The following SLC4A10 variants were observed in gnomAD, a reference collection of about 807,000 sequenced individuals.
SLC4A10 encodes sodium-driven chloride bicarbonate exchanger.
SLC4A10 carries 42 observed loss-of-function variants against 137.7 expected under a neutral mutation model. The observed-to-expected ratio is 0.30, with a 90% CI of 0.24 to 0.39. SLC4A10 has a LOEUF of 0.39. Ranked by LOEUF, SLC4A10 falls within the 10% of genes least tolerant of loss-of-function variation. The pLI, the probability that SLC4A10 is intolerant of heterozygous loss-of-function variation, is 1.00. For synonymous variants in SLC4A10, 474 were observed against 464.1 expected (o/e 1.02, Z -0.27); for missense variants, 925 against 1,355.0 (o/e 0.68, Z 4.98).
intron 6 of SLC4A10, among the ~76,000 whole-genome samples, chr2:161,871,707 G>C (rs145215280): frequency 6.6e-6 from 1 of 152,022 alleles, no homozygotes; most frequent in Non-Finnish European, 1.5e-5. Context: ...ATAGTCAGAG[G>C]CATAAAATCA....
rs143600183 is a variant in SLC4A10, at chr2:161,636,158, T to G, written c.48+11592T>G. Reference sequence around the variant, plus strand: ...ATGAGTTTATTTTGGTGCAAATTTTTTTTGAAATTCATGCAAATTTCTTTA... The same window carrying G: ...ATGAGTTTATTTTGGTGCAAATTTTGTTTGAAATTCATGCAAATTTCTTTA... On this transcript the variant is annotated intron_variant, in intron 1 of 26. Coordinates refer to ENST00000446997, the MANE Select transcript of SLC4A10 (RefSeq NM_001178015.2). Among the ~76,000 whole-genome samples the G allele has an allele frequency of 5.5e-3, 833 of 152,310 alleles. 4 individuals carry two copies. The highest frequency in any genetic ancestry group is 0.014 in the South Asian group (67 of 4,828).
chr2:161,714,921 T>C (rs890992167), intron 1 of SLC4A10, among the ~76,000 whole-genome samples: 5 of 151,926 alleles, frequency 3.3e-5, no homozygotes, highest in African/African-American at 7.2e-5. Context: ...TTATTATAAT[T>C]ATCCCCACTG....
intron 13 of SLC4A10, 99 bp from the exon 14 acceptor site, chr2:161,904,677 A>G: frequency 7.0e-7 from 1 of 1,423,112 alleles, no homozygotes; most frequent in Non-Finnish European, 9.5e-7. Flanking sequence ...TTCAGGGTGA[A>G]GCACAAAGCA....
At chr2:161,820,108 A>G (rs2057490054) in intron 3 of SLC4A10, among the ~76,000 whole-genome samples, 1 of 152,214 alleles carries the variant, frequency 6.6e-6, no homozygotes. Context: ...GTACACAAAG[A>G]TACTGAATAA....
At chr2:161,856,323 C>A (rs2060093270) in intron 5 of SLC4A10, among the ~76,000 whole-genome samples, 1 of 149,252 alleles carries the variant, frequency 6.7e-6, no homozygotes, top group African/African-American at 2.5e-5. Flanking sequence ...GATACTTTGG[C>A]TTGAAATATT....
At position 161,895,308 on chromosome 2, in the gene SLC4A10, A is replaced by G. The variant is rs375324583; in HGVS notation, c.1341+483A>G. Among the ~76,000 whole-genome samples the G allele has an allele frequency of 8.9e-4, 135 of 152,082 alleles. 3 individuals carry two copies. In the East Asian group the frequency reaches 0.025, roughly 28 times the overall value. ...GTGCCCCATTTTCTTAATCCAGTCTATCATTGTTGGACATTTGGGTTGGTT... is the reference window on the plus strand; with the variant it reads ...GTGCCCCATTTTCTTAATCCAGTCTGTCATTGTTGGACATTTGGGTTGGTT... On this transcript the variant is annotated intron_variant, in intron 11 of 26. Transcript: ENST00000446997.
intron 8 of SLC4A10, among the ~76,000 whole-genome samples, chr2:161,875,397 G>T (rs1046986739): frequency 1.4e-4 from 21 of 151,892 alleles, no homozygotes; most frequent in African/African-American, 5.1e-4. Context: ...ATTTTGAGGT[G>T]TTAAGAAAAA....
At chr2:161,652,260 C>A (rs574182738) in intron 1 of SLC4A10, among the ~76,000 whole-genome samples, 1 of 152,262 alleles carries the variant, frequency 6.6e-6, no homozygotes, top group African/African-American at 2.4e-5. Context: ...TATCTATATT[C>A]AATCATTTAT....
intron 1 of SLC4A10, among the ~76,000 whole-genome samples, chr2:161,738,363 G>C (rs2047558194): frequency 6.6e-6 from 1 of 152,214 alleles, no homozygotes; most frequent in Non-Finnish European, 1.5e-5. Context: ...CTCTGAACCA[G>C]AGTAGATTTA....
intron 1 of SLC4A10, chr2:161,709,964 T>C (rs2044104437): frequency 6.6e-6 from 1 of 151,584 alleles, no homozygotes; most frequent in Non-Finnish European, 1.5e-5. Context: ...TTTGTCTTTA[T>C]GATTCTGTAG....
intron 2 of SLC4A10, among the ~76,000 whole-genome samples, chr2:161,781,947 G>T (rs1012843435): frequency 1.3e-5 from 2 of 152,072 alleles, no homozygotes; most frequent in Non-Finnish European, 1.5e-5. Context: ...CCCAGAGGAG[G>T]TTTGTGCATC....
rs927833099 is a variant in SLC4A10, at chr2:161,832,561, T to C, written c.278-7228T>C. The stretch of plus-strand genomic sequence containing the variant: ...TAATGAGGAGGATTTGGGGAGGTAG[T>C]TGCAAGCTGAGAACCAGGCAACAGA... On this transcript the variant is annotated intron_variant, in intron 3 of 26. Coordinates refer to ENST00000446997, the MANE Select transcript of SLC4A10 (RefSeq NM_001178015.2). Among the ~76,000 whole-genome samples the C allele has an allele frequency of 9.9e-5, 15 of 152,280 alleles. No homozygotes were observed. The Middle Eastern group carries it at 0.017, about 173-fold the overall frequency.
chr2:161,819,178 G>A (rs532590868), intron 3 of SLC4A10, among the ~76,000 whole-genome samples: 2 of 151,980 alleles, frequency 1.3e-5, no homozygotes, highest in African/African-American at 2.4e-5. Flanking sequence ...AAAAGAATAG[G>A]CCTTTAATAT....
chr2:161,815,793 T>C (rs1164656722), intron 3 of SLC4A10, among the ~76,000 whole-genome samples: 3 of 152,140 alleles, frequency 2.0e-5, no homozygotes, highest in Admixed American at 6.6e-5. Flanking sequence ...CTGAGAAGCT[T>C]CTGCCTCTCA....
intron 3 of SLC4A10, among the ~76,000 whole-genome samples, chr2:161,814,686 T>A (rs918448046): frequency 2.6e-5 from 4 of 152,164 alleles, no homozygotes; most frequent in Admixed American, 2.0e-4. Flanking sequence ...AAATACCACA[T>A]GTTCTCACTT....
intron 1 of SLC4A10, among the ~76,000 whole-genome samples, chr2:161,664,225 C>G (rs950151853): frequency 2.6e-5 from 4 of 151,722 alleles, no homozygotes; most frequent in Non-Finnish European, 5.9e-5. Context: ...TCTCTTTAAC[C>G]ATGTCATAAG....
intron 1 of SLC4A10, among the ~76,000 whole-genome samples, chr2:161,693,517 A>G (rs770258456): frequency 2.0e-5 from 3 of 151,918 alleles, no homozygotes; most frequent in Non-Finnish European, 4.4e-5. Flanking sequence ...CTTTTTTGCT[A>G]TATCTGGCTT....
At chr2:161,767,683 C>G (rs777809910) in intron 1 of SLC4A10, among the ~76,000 whole-genome samples, 3 of 151,968 alleles carry the variant, frequency 2.0e-5, no homozygotes, top group Admixed American at 6.6e-5. Context: ...GTTATCTGTT[C>G]TGATTATCCA....
At chr2:161,819,339 CA>C (rs1303804785) in intron 3 of SLC4A10, among the ~76,000 whole-genome samples, 2 of 151,986 alleles carry the variant, frequency 1.3e-5, no homozygotes, top group African/African-American at 4.8e-5. Flanking sequence ...TTTGCTCATA[CA>C]AAAAACTTTT....
Sources: allele counts gnomAD v4.1 joint callset (sites outside exome capture counted in the v4.1 genomes callset), GRCh38; gene constraint gnomAD v4.1.1; transcripts MANE v1.5; gene names NCBI Gene and HGNC (gene_info 2026-07-23, HGNC 2026-07-21).